ADGRD1: variants seen among roughly 807,000 people sequenced by gnomAD.
ADGRD1 encodes G-protein coupled receptor 133.
A neutral mutation model predicts 113.4 loss-of-function variants in ADGRD1; 77 were observed. That is an observed-to-expected ratio of 0.68 (90% CI 0.57 to 0.82). The LOEUF (loss-of-function observed/expected upper bound fraction) is 0.82, where lower values mean the gene tolerates loss of function less well. Among genes scored for constraint, ADGRD1 ranks in the 40% least tolerant of loss-of-function variants. ADGRD1 has a pLI of 0.00. For missense variants in ADGRD1, 1,036 were observed against 1,139.1 expected, an observed-to-expected ratio of 0.91 and a Z score of 1.30; for synonymous variants, 474 against 475.0, an observed-to-expected ratio of 1.00 and a Z score of 0.03.
chr12:131,006,786 G>A (rs1287316092), intron 12 of ADGRD1, among the ~76,000 whole-genome samples: 1 of 152,200 alleles, frequency 6.6e-6, no homozygotes, highest in Non-Finnish European at 1.5e-5. Flanking sequence ...ACCGTCTTCT[G>A]CGTCAGATTT....
intron 11 of ADGRD1, among the ~76,000 whole-genome samples, chr12:131,004,969 C>T (rs901221275): frequency 2.0e-5 from 3 of 152,154 alleles, no homozygotes; most frequent in Non-Finnish European, 2.9e-5. Flanking sequence ...CTGGGGACCT[C>T]GGGCAAGCAG....
Position 130,954,630 on chromosome 12 carries a change from G to A in ADGRD1, c.73G>A (p.Gly25Ser). 1 of 1,613,816 alleles carries A rather than the reference G, an allele frequency of 6.2e-7. No homozygotes were observed. Among genetic ancestry groups the A allele is most frequent in the Non-Finnish European group, 8.5e-7 (1 of 1,180,018 alleles). The stretch of plus-strand genomic sequence containing the variant: ...TGTGGTCTTTTGTGCGCAGGTGCGT[G>A]GCGTCTACTCCAGATCGCAGGACCA... ...LLFYYNFQVR[G>S]VYSRSQDHPG... The change falls in exon 2 of 25, where the codon GGC (glycine) becomes AGC (serine). Residue 25 changes from glycine to serine, a missense_variant. By Grantham distance (56) the Gly-to-Ser change is moderately conservative. Coordinates refer to ENST00000261654, the MANE Select transcript of ADGRD1 (RefSeq NM_198827.5). This position sits in a 1 kb window ranked among gnomAD's most constrained non-coding sequence, Gnocchi z 4.7.
Position 131,140,169 on chromosome 12 carries a change from A to C in ADGRD1, c.*906A>C, listed in dbSNP as rs1210147839. The C allele has an allele frequency of 6.6e-6, 1 of 152,152 alleles. No homozygotes were observed. The highest frequency in any genetic ancestry group is 1.5e-5 in the Non-Finnish European group (1 of 68,048). The allele number at this position is 152,152 out of a possible 1,614,324, so 9.4% of individuals were successfully genotyped here. A position where few individuals can be genotyped will look rare whatever the true frequency, so the allele number is the denominator to read the frequency against. On this transcript the variant is annotated 3_prime_UTR_variant, in exon 25 of 25. Coordinates refer to ENST00000261654, the MANE Select transcript of ADGRD1 (RefSeq NM_198827.5). ...CCCGCAGTGCCTGGTGTCCAGGTGG[A>C]AAGTGGAGGGCATTTTCCAGGGCAC...
chr12:131,098,133 C>CACGGTG (rs1887429213), intron 15 of ADGRD1, among the ~76,000 whole-genome samples: 1 of 146,824 alleles, frequency 6.8e-6, no homozygotes, highest in African/African-American at 2.5e-5. Flanking sequence ...ACTGTCCTCC[C>CACGGTG]GCGGTGGCCG....
intron 13 of ADGRD1, among the ~76,000 whole-genome samples, chr12:131,054,384 T>C (rs557760284): frequency 1.6e-4 from 25 of 152,350 alleles, no homozygotes; most frequent in African/African-American, 5.5e-4. Flanking sequence ...TGGAATTGTA[T>C]AGTATGTACT....
intron 8 of ADGRD1, 58 bp downstream of exon 8, chr12:130,992,450 A>G (rs1325290907): frequency 7.0e-7 from 1 of 1,425,346 alleles, no homozygotes; most frequent in Non-Finnish European, 9.7e-7. Flanking sequence ...TACCGGGACC[A>G]TAGATGTTTC....
Position 131,075,163 on chromosome 12 carries a change from CAG to C in ADGRD1, c.1474-1637_1474-1636del, listed in dbSNP as rs1885491594. Among the ~76,000 whole-genome samples, 1 of 152,186 alleles carries C rather than the reference CAG, an allele frequency of 6.6e-6. No individual in the cohort carries two copies. Among genetic ancestry groups the C allele is most frequent in the Admixed American group, 6.5e-5 (1 of 15,284 alleles). ...TTTTTTAAATTTCCTTTAAATTACT[CAG>C]GTAACACACAAATACGCCTCCTTGT... On this transcript the variant is annotated intron_variant, in intron 13 of 24. Transcript: ENST00000261654. This position sits in a 1 kb window ranked among gnomAD's most constrained non-coding sequence, Gnocchi z 5.3.
chr12:131,045,245 G>A (rs1882566821), intron 13 of ADGRD1, among the ~76,000 whole-genome samples: 1 of 152,246 alleles, frequency 6.6e-6, no homozygotes, highest in Non-Finnish European at 1.5e-5. Flanking sequence ...TCTCCAGGTC[G>A]CGGCCGTCAT....
intron 14 of ADGRD1, among the ~76,000 whole-genome samples, chr12:131,077,408 A>T (rs561597673): frequency 9.5e-4 from 144 of 152,222 alleles, no homozygotes; most frequent in African/African-American, 3.3e-3. Flanking sequence ...TCCCATGTCC[A>T]CTTGTCACAC....
At chr12:131,021,769 G>T (rs1217551172) in intron 13 of ADGRD1, among the ~76,000 whole-genome samples, 1 of 152,132 alleles carries the variant, frequency 6.6e-6, no homozygotes, top group Non-Finnish European at 1.5e-5. Context: ...GTGCAGAGGT[G>T]CAGTCACGGC....
intron 13 of ADGRD1, among the ~76,000 whole-genome samples, chr12:131,071,070 G>A (rs1277016259): frequency 6.7e-6 from 1 of 149,002 alleles, no homozygotes; most frequent in African/African-American, 2.4e-5. Context: ...GCAAGGAGGT[G>A]GGGCTAAGTG....
At chr12:131,054,575 T>C (rs1342180176) in intron 13 of ADGRD1, among the ~76,000 whole-genome samples, 1 of 152,176 alleles carries the variant, frequency 6.6e-6, no homozygotes, top group Non-Finnish European at 1.5e-5. Context: ...TTCCTGGCCC[T>C]GTGTGAGCTC....
In ADGRD1 at chr12:131,056,884, C is replaced by T. The variant is rs147782647; in HGVS notation, c.1474-19917C>T. Among the ~76,000 whole-genome samples, 1,017 of 152,230 alleles carry T rather than the reference C, an allele frequency of 6.7e-3. 3 individuals are homozygous for T. Among genetic ancestry groups the T allele is most frequent in the Non-Finnish European group, 0.012 (812 of 68,008 alleles). On this transcript the variant is annotated intron_variant, in intron 13 of 24. Transcript: ENST00000261654. ...TACAGCTTCCAGGGCCCTAGGACGA[C>T]GAAGGAAGCCATGTCCCTGGGGAGA...
In ADGRD1 at chr12:131,041,901, T is replaced by A. The variant is rs1413225517; in HGVS notation, c.1473+27561T>A. Among the ~76,000 whole-genome samples, 1 of 152,146 alleles carries A rather than the reference T, an allele frequency of 6.6e-6. No individual in the cohort carries two copies. Among genetic ancestry groups the A allele is most frequent in the Admixed American group, 6.5e-5 (1 of 15,280 alleles). On this transcript the variant is annotated intron_variant, in intron 13 of 24. Coordinates refer to ENST00000261654, the MANE Select transcript of ADGRD1 (RefSeq NM_198827.5). This position sits in a 1 kb window ranked among gnomAD's most constrained non-coding sequence, Gnocchi z 4.4. ...CTGCTGACATTGACATGACCTAGGG[T>A]TCCTTTGCAGTCGGGTTTGTTATCC...
chr12:131,021,866 C>T (rs1241553990), intron 13 of ADGRD1, among the ~76,000 whole-genome samples: 1 of 152,080 alleles, frequency 6.6e-6, no homozygotes, highest in Non-Finnish European at 1.5e-5. Context: ...ATCACAATGC[C>T]CTGCTCATTT....
Position 131,057,827 on chromosome 12 carries a change from A to C in ADGRD1, c.1474-18974A>C, listed in dbSNP as rs1040218599. Among the ~76,000 whole-genome samples the C allele has an allele frequency of 1.3e-5, 2 of 152,180 alleles. No homozygotes were observed. The highest frequency in any genetic ancestry group is 4.1e-4 in the South Asian group (2 of 4,828). On this transcript the variant is annotated intron_variant, in intron 13 of 24. Coordinates refer to ENST00000261654, the MANE Select transcript of ADGRD1 (RefSeq NM_198827.5). The surrounding 1 kb of genome is among the most constrained non-coding windows in gnomAD (Gnocchi z 4.2). ...CACAGGTGGAGCTGGGATGAGGCAG[A>C]AAATGGGTCTGCATGTCTCTGCCTT...
chr12:131,116,990 G>A (rs572458448), intron 18 of ADGRD1, among the ~76,000 whole-genome samples: 101 of 152,360 alleles, frequency 6.6e-4, no homozygotes, highest in African/African-American at 2.3e-3. Flanking sequence ...GACAAATTCC[G>A]TGGATGGCTG....
intron 4 of ADGRD1, among the ~76,000 whole-genome samples, chr12:130,974,500 G>A (rs1361857235): frequency 6.6e-6 from 1 of 152,156 alleles, no homozygotes; most frequent in East Asian, 1.9e-4. Flanking sequence ...ATTAGAACGT[G>A]GGAAGCATTG....
At chr12:131,035,729 C>T (rs568573034) in intron 13 of ADGRD1, among the ~76,000 whole-genome samples, 4 of 152,062 alleles carry the variant, frequency 2.6e-5, no homozygotes, top group African/African-American at 9.7e-5. Context: ...TATTATTTAT[C>T]GAAGAAACTG....
Sources: allele counts gnomAD v4.1 joint callset (sites outside exome capture counted in the v4.1 genomes callset), GRCh38; gene constraint gnomAD v4.1.1; non-coding constraint Gnocchi (gnomAD v3.1); transcripts MANE v1.5; gene names NCBI Gene and HGNC (gene_info 2026-07-23, HGNC 2026-07-21).